The following UACA variants were observed in gnomAD, a reference collection of about 807,000 sequenced individuals.
The protein encoded by UACA is uveal autoantigen with coiled-coil domains and ankyrin repeats, also known as nuclear membrane binding protein.
In UACA, 112 loss-of-function variants were observed where a neutral mutation model predicts 160.5. That is an observed-to-expected ratio of 0.70 (90% CI 0.60 to 0.82). The LOEUF (loss-of-function observed/expected upper bound fraction) is 0.82. Among genes scored for constraint, UACA ranks in the 40% least tolerant of loss-of-function variants. The pLI is 0.00. For synonymous variants in UACA, 557 were observed against 568.4 expected (o/e 0.98, Z 0.29); for missense variants, 1,574 against 1,614.6 (o/e 0.97, Z 0.43).
At chr15:70,772,080 C>G in the UACA span, among the ~76,000 whole-genome samples, 1 of 152,150 alleles carries the variant, frequency 6.6e-6, no homozygotes. Flanking sequence ...GATAACTGAT[C>G]ATAAACGACC....
chr15:70,679,234 C>T (rs1897396379), intron 10 of UACA, among the ~76,000 whole-genome samples: 1 of 151,746 alleles, frequency 6.6e-6, no homozygotes, highest in African/African-American at 2.4e-5. Context: ...GAAACCCCGT[C>T]TCAACTAAAA....
intron 1 of UACA, among the ~76,000 whole-genome samples, chr15:70,723,738 T>C (rs959698940): frequency 6.6e-6 from 1 of 151,686 alleles, no homozygotes; most frequent in African/African-American, 2.4e-5. Flanking sequence ...GTTCACGCCA[T>C]TCTCCTGCCT....
At chr15:70,776,251 C>T in the UACA span, among the ~76,000 whole-genome samples, 151 of 152,152 alleles carry the variant, frequency 9.9e-4, no homozygotes, top group Non-Finnish European at 1.6e-3. Flanking sequence ...TGAGAACTTA[C>T]GACAGAGAAA....
In UACA at chr15:70,657,114, T is replaced by C; in HGVS notation, c.4193A>G (p.Glu1398Gly). ...CTGGAGCAGAGCCTCCTGAACATCT[T>C]CATCCATGTGACCCTTCGGAGAAAG... Reference protein sequence around the residue: ...LLSAAQGHMDEDVQEALLQII... With the variant: ...LLSAAQGHMDGDVQEALLQII... The change falls in exon 19 of 19, where the codon GAA (glutamate) becomes GGA (glycine). Residue 1398 changes from glutamate to glycine, a missense_variant. Transcript: ENST00000322954. 1.2e-6 allele frequency: 2 copies of C among 1,614,092 alleles called. No homozygotes were observed. Among genetic ancestry groups the C allele is most frequent in the Non-Finnish European group, 1.7e-6 (2 of 1,179,948 alleles).
intron 1 of UACA, chr15:70,702,405 T>C (rs568794484): frequency 1.5e-4 from 108 of 722,026 alleles, no homozygotes; most frequent in South Asian, 1.1e-3. Context: ...GACAGCTGAA[T>C]GATAGAAAGG....
In UACA at chr15:70,656,333, G is replaced by A. The variant is rs1390276297; in HGVS notation, c.*723C>T. On this transcript the variant is annotated 3_prime_UTR_variant, in exon 19 of 19. Transcript: ENST00000322954. The stretch of plus-strand genomic sequence containing the variant: ...TCATCTATCATTATTCTCCAATATT[G>A]TGGCAAGAATAGTCACCGCAAGTAA... 1 of 151,984 alleles carries A rather than the reference G, an allele frequency of 6.6e-6. No homozygotes were observed. Among genetic ancestry groups the A allele is most frequent in the Non-Finnish European group, 1.5e-5 (1 of 68,006 alleles). 9.4% of individuals were successfully genotyped at this position (151,984 alleles called of 1,614,324 possible).
At chr15:70,684,858 T>G (rs769259633) in intron 7 of UACA, among the ~76,000 whole-genome samples, 19 of 152,204 alleles carry the variant, frequency 1.2e-4, no homozygotes, top group Non-Finnish European at 2.4e-4. Flanking sequence ...CTTTGTCTTC[T>G]ATATCCTTAT....
At chr15:70,693,675 C>G (rs1454543441) in intron 3 of UACA, among the ~76,000 whole-genome samples, 1 of 151,796 alleles carries the variant, frequency 6.6e-6, no homozygotes, top group Admixed American at 6.6e-5. Context: ...TGAGCTTGAT[C>G]TGCAAAGAAA....
intron 9 of UACA, among the ~76,000 whole-genome samples, chr15:70,681,022 T>G (rs1320955211): frequency 6.6e-6 from 1 of 152,172 alleles, no homozygotes; most frequent in Non-Finnish European, 1.5e-5. Context: ...CATGAACATG[T>G]CTAACCTGCT....
intron 1 of UACA, among the ~76,000 whole-genome samples, chr15:70,711,301 G>A (rs1367786370): frequency 2.0e-5 from 3 of 152,096 alleles, no homozygotes; most frequent in African/African-American, 7.2e-5. Context: ...AAAAAAATGT[G>A]TATTTTACAT....
At position 70,664,699 on chromosome 15, in the gene UACA, A is replaced by G. The variant is rs762411725; in HGVS notation, c.4076T>C (p.Leu1359Pro). ...CTCCAGAGATTTCACTTGGTGCTGC[A>G]GAGTGTCAATCAGCTGGCTCTGCCT... ...TKRQSQLIDT[L>P]QHQVKSLEQQ... is the part of the protein sequence containing the mutation. Residue 1359 changes from leucine to proline, a missense_variant, in exon 17 of 19, where the codon CTG (leucine) becomes CCG (proline). By Grantham distance (98) the Leu-to-Pro change is moderately conservative. Coordinates refer to ENST00000322954, the MANE Select transcript of UACA (RefSeq NM_018003.4). The G allele has an allele frequency of 6.2e-7, 1 of 1,613,498 alleles. No homozygotes were observed. Among genetic ancestry groups the G allele is most frequent in the Admixed American group, 1.7e-5 (1 of 59,906 alleles).
intron 13 of UACA, among the ~76,000 whole-genome samples, chr15:70,674,521 T>C (rs1238455459): frequency 1.3e-5 from 2 of 152,206 alleles, no homozygotes; most frequent in African/African-American, 4.8e-5. Flanking sequence ...ATAAGAAAAA[T>C]AAGTTACTTT....
intron 1 of UACA, among the ~76,000 whole-genome samples, chr15:70,749,938 C>A (rs2029938068): frequency 6.6e-6 from 1 of 152,274 alleles, no homozygotes; most frequent in South Asian, 2.1e-4. Context: ...CTCTCTCTCC[C>A]TCTTACAGCG....
chr15:70,690,389 T>A lies in UACA; in HGVS notation c.424+65A>T, dbSNP rs377542793. ...TATAAATATCTATGTGTTAAAACCCTGAAATTAATTCAAATGACTAGACAT... is the reference window on the plus strand; with the variant it reads ...TATAAATATCTATGTGTTAAAACCCAGAAATTAATTCAAATGACTAGACAT... On this transcript the variant is annotated intron_variant, in intron 5 of 18. Coordinates refer to ENST00000322954, the MANE Select transcript of UACA (RefSeq NM_018003.4). 3.5e-5 allele frequency: 51 copies of A among 1,442,188 alleles called. No individual in the cohort carries two copies. In the African/African-American group the frequency reaches 6.6e-4, roughly 19 times the overall value. 89.3% of individuals were successfully genotyped at this position (1,442,188 alleles called of 1,614,324 possible).
chr15:70,760,498 G>A lies in UACA; in HGVS notation c.78+2832C>T, dbSNP rs567390364. Among the ~76,000 whole-genome samples the A allele has an allele frequency of 2.0e-5, 3 of 152,026 alleles. No individual in the cohort carries two copies. The East Asian group carries it at 5.8e-4, about 29-fold the overall frequency. On this transcript the variant is annotated intron_variant, in intron 1 of 18. Transcript: ENST00000322954. ...ATACAAATGAATAGGGAAAAATATC[G>A]ACAACCCAATAGAAAAATGGAAAGG...
intron 1 of UACA, among the ~76,000 whole-genome samples, chr15:70,760,139 C>T (rs2030657753): frequency 6.6e-6 from 1 of 151,738 alleles, no homozygotes; most frequent in South Asian, 2.1e-4. Flanking sequence ...CAGTTTAAGA[C>T]CCAAATTAAG....
chr15:70,685,975 A>G (rs899891877), intron 7 of UACA, among the ~76,000 whole-genome samples: 5 of 152,016 alleles, frequency 3.3e-5, no homozygotes, highest in Non-Finnish European at 7.4e-5. Flanking sequence ...TGGTTTCGCC[A>G]TGTTGGCCAG....
intron 13 of UACA, among the ~76,000 whole-genome samples, chr15:70,672,369 C>G (rs895042950): frequency 6.6e-6 from 1 of 152,162 alleles, no homozygotes; most frequent in Non-Finnish European, 1.5e-5. Flanking sequence ...GTCAATAACT[C>G]ATTTTACTTT....
At chr15:70,702,077 C>A (rs545426594) in intron 1 of UACA, 10 of 1,365,798 alleles carry the variant, frequency 7.3e-6, no homozygotes, top group Non-Finnish European at 9.4e-6. Context: ...ATATTTTCTT[C>A]GTCTTCAGGA....
Sources: gnomAD v4.1 joint callset for allele counts (sites outside exome capture counted in the v4.1 genomes callset) on GRCh38, gnomAD v4.1.1 for gene constraint, MANE v1.5 for transcripts, NCBI Gene and HGNC (gene_info 2026-07-23, HGNC 2026-07-21) for gene names.